MANBAL: variants seen among roughly 807,000 people sequenced by gnomAD.
MANBAL encodes protein MANBAL.
MANBAL carries 1 observed loss-of-function variant against 6.4 expected under a neutral mutation model. The observed-to-expected ratio is 0.16, with a 90% confidence interval of 0.06 to 0.74. The LOEUF is 0.74. MANBAL is among the 30% of genes least tolerant of loss of function. The probability of loss-of-function intolerance (pLI) is 0.78; values close to 1 mark genes in which losing one functional copy is unlikely to be tolerated. For synonymous variants in MANBAL, 47 were observed against 45.8 expected, an observed-to-expected ratio of 1.03 and a Z score of -0.10; for missense variants, 100 against 107.8, an observed-to-expected ratio of 0.93 and a Z score of 0.32.
In MANBAL at chr20:37,313,719, G is replaced by A. The variant is rs185191431; in HGVS notation, c.151-2589G>A. Among the ~76,000 whole-genome samples, 299 of 152,278 alleles carry A rather than the reference G, an allele frequency of 2.0e-3. 2 individuals are homozygous for A. The highest frequency in any genetic ancestry group is 6.9e-3 in the African/African-American group (286 of 41,564). ...AGACCTTGTCTTAAAAAGAATGGTG[G>A]CATTATAAGGTTCCTGGGTGCCTAG... On this transcript the variant is annotated intron_variant, in intron 2 of 2. Coordinates refer to ENST00000373606, the MANE Select transcript of MANBAL (RefSeq NM_001003897.2).
chr20:37,316,379 C>G lies in MANBAL; in HGVS notation c.222C>G (p.Asn74Lys). The G allele has an allele frequency of 6.2e-7, 1 of 1,613,860 alleles. No individual in the cohort carries two copies. ...CCAAGGCTGCTGTTCCTTCTGTGAA[C>G]AAGAGGCCCAAGAAAGAGACTAAGA... ...RKPKAAVPSV[N>K]KRPKKETKKK... The change falls in exon 3 of 3, where the codon AAC (asparagine) becomes AAG (lysine). Residue 74 changes from asparagine to lysine, a missense_variant. Physicochemically the swap from Asn to Lys is moderately conservative, Grantham distance 94. Transcript: ENST00000373606.
intron 1 of MANBAL, among the ~76,000 whole-genome samples, chr20:37,299,646 G>C (rs958235801): frequency 6.6e-6 from 1 of 152,128 alleles, no homozygotes; most frequent in Non-Finnish European, 1.5e-5. Flanking sequence ...TTTATCATTG[G>C]GATGGGCAGA....
At chr20:37,290,650 G>C in intron 1 of MANBAL, among the ~76,000 whole-genome samples, 1 of 151,934 alleles carries the variant, frequency 6.6e-6, no homozygotes, top group Non-Finnish European at 1.5e-5. Flanking sequence ...GTAAAGACAG[G>C]GTTTCACCAT....
At chr20:37,299,930 G>A (rs1374451397) in intron 1 of MANBAL, among the ~76,000 whole-genome samples, 1 of 152,154 alleles carries the variant, frequency 6.6e-6, no homozygotes, top group African/African-American at 2.4e-5. Context: ...TGGGGGCCCT[G>A]CTGAGAGGAG....
In MANBAL at chr20:37,302,204, A is replaced by G. The variant is rs2146806766; in HGVS notation, c.150+791A>G. The G allele has an allele frequency of 2.6e-6, 4 of 1,547,932 alleles. No individual in the cohort carries two copies. In the Middle Eastern group the frequency reaches 6.7e-4, roughly 259 times the overall value. On this transcript the variant is annotated intron_variant, in intron 2 of 2. Transcript: ENST00000373606. ...GTCGTTTGTCATGTGGGATACCTAC[A>G]TCCCAGGAATTGGCTATTGCTTCTC...
intron 1 of MANBAL, among the ~76,000 whole-genome samples, chr20:37,292,965 A>G (rs1053217373): frequency 1.3e-5 from 2 of 152,226 alleles, no homozygotes; most frequent in African/African-American, 4.8e-5. Context: ...AGTAAGAGAC[A>G]TACGTATATA....
chr20:37,308,652 G>C (rs1057259442), intron 2 of MANBAL, among the ~76,000 whole-genome samples: 2 of 152,172 alleles, frequency 1.3e-5, no homozygotes, highest in African/African-American at 4.8e-5. Flanking sequence ...TCTACATGGA[G>C]TGCAGTGGGA....
At chr20:37,315,630 T>G (rs2069494555) in intron 2 of MANBAL, among the ~76,000 whole-genome samples, 1 of 152,248 alleles carries the variant, frequency 6.6e-6, no homozygotes, top group Non-Finnish European at 1.5e-5. Flanking sequence ...GAGCTGCTCC[T>G]GTCGCCCAGG....
Position 37,314,061 on chromosome 20 carries a change from C to T in MANBAL, c.151-2247C>T, listed in dbSNP as rs74571912. Among the ~76,000 whole-genome samples, 386 of 152,208 alleles carry T rather than the reference C, an allele frequency of 2.5e-3. 2 individuals carry two copies. Among genetic ancestry groups the T allele is most frequent in the Non-Finnish European group, 4.1e-3 (282 of 68,016 alleles). Reference sequence around the variant, plus strand: ...ACCTGCACTTTAGAATAGTTCCTTTCGTGGGTGCATGAGGAATGGACAGAG... The same window carrying T: ...ACCTGCACTTTAGAATAGTTCCTTTTGTGGGTGCATGAGGAATGGACAGAG... On this transcript the variant is annotated intron_variant, in intron 2 of 2. Transcript: ENST00000373606.
chr20:37,296,866 G>A (rs1323638894), intron 1 of MANBAL: 2 of 152,286 alleles, frequency 1.3e-5, no homozygotes, highest in East Asian at 3.9e-4. Context: ...TTAGCCCAAA[G>A]TGTAGCTACT....
At chr20:37,316,271 C>T in intron 2 of MANBAL, 37 bp from the exon 3 acceptor site, 1 of 1,574,046 alleles carries the variant, frequency 6.4e-7, no homozygotes. Flanking sequence ...CAGGCTTGAT[C>T]CATCTAAGCA....
At chr20:37,309,775 C>G (rs1024280746) in intron 2 of MANBAL, among the ~76,000 whole-genome samples, 1 of 152,044 alleles carries the variant, frequency 6.6e-6, no homozygotes, top group Non-Finnish European at 1.5e-5. Flanking sequence ...TAAACGAGGC[C>G]GCTAGTTGCC....
At chr20:37,298,669 GT>G (rs1210442561) in intron 1 of MANBAL, 4 of 151,256 alleles carry the variant, frequency 2.6e-5, no homozygotes, top group Non-Finnish European at 5.9e-5. Context: ...ACTCTTAGTT[GT>G]TTCCATCTTT....
chr20:37,291,369 A>G (rs1215956809), intron 1 of MANBAL, among the ~76,000 whole-genome samples: 1 of 152,024 alleles, frequency 6.6e-6, no homozygotes, highest in Non-Finnish European at 1.5e-5. Flanking sequence ...TTTTTCCCTA[A>G]TGTCCTTTTT....
rs184552384 is a variant in MANBAL at position 37,307,219 on chromosome 20, G to A, written c.150+5806G>A. On this transcript the variant is annotated intron_variant, in intron 2 of 2. Transcript: ENST00000373606. ...GGGCTCAGGTGATTCTCTCACCTTG[G>A]CCTCCCAAAGTGATGGGATTACAGG... Among the ~76,000 whole-genome samples the A allele has an allele frequency of 2.4e-3, 361 of 152,230 alleles. 3 individuals are homozygous for A. The highest frequency in any genetic ancestry group is 8.4e-3 in the African/African-American group (347 of 41,532).
intron 1 of MANBAL, among the ~76,000 whole-genome samples, chr20:37,290,492 T>C (rs2068842148): frequency 6.6e-6 from 1 of 151,898 alleles, no homozygotes; most frequent in South Asian, 2.1e-4. Context: ...ACGGAGTCTC[T>C]CTCTCGTCCA....
Position 37,301,271 on chromosome 20 carries a change from C to T in MANBAL, c.8C>T (p.Ser3Phe), listed in dbSNP as rs1214095466. The change falls in exon 2 of 3, where the codon TCT (serine) becomes TTT (phenylalanine). Residue 3 changes from serine to phenylalanine, a missense_variant. By Grantham distance (155) the Ser-to-Phe change is radical. Transcript: ENST00000373606. MASDLDFSPPEVP... is the reference protein window; with the variant it reads MAFDLDFSPPEVP... ...CAGCAAGCGACTTGGGCCATGGCCT[C>T]TGACCTAGACTTCTCACCTCCGGAG... 5.6e-6 allele frequency: 9 copies of T among 1,597,884 alleles called. No homozygotes were observed. The highest frequency in any genetic ancestry group is 7.7e-6 in the Non-Finnish European group (9 of 1,169,962).
chr20:37,310,427 C>T (rs1161424454), intron 2 of MANBAL, among the ~76,000 whole-genome samples: 1 of 152,184 alleles, frequency 6.6e-6, no homozygotes, highest in East Asian at 1.9e-4. Flanking sequence ...GATATTCCTG[C>T]CTAACTCCAT....
At position 37,302,119 on chromosome 20, in the gene MANBAL, TC is replaced by T. The variant is rs536395771; in HGVS notation, c.150+707del. Among the ~76,000 whole-genome samples, 59 of 152,324 alleles carry T rather than the reference TC, an allele frequency of 3.9e-4. 1 individual carries two copies. The East Asian group carries it at 0.011, about 28-fold the overall frequency. The stretch of plus-strand genomic sequence containing the variant: ...TATCTTTATAACTATACACCCTCCT[TC>T]TACCCACTTTCTTGCCCACTCCCAT... On this transcript the variant is annotated intron_variant, in intron 2 of 2. Transcript: ENST00000373606.
Sources: allele counts gnomAD v4.1 joint callset (sites outside exome capture counted in the v4.1 genomes callset), GRCh38; gene constraint gnomAD v4.1.1; transcripts MANE v1.5; gene names NCBI Gene and HGNC (gene_info 2026-07-23, HGNC 2026-07-21).